The following PRR16 variants were observed in gnomAD, a reference collection of about 807,000 sequenced individuals.
The protein encoded by PRR16 is proline rich 16, also known as protein Largen.
In PRR16, 6 loss-of-function variants were observed where a neutral mutation model predicts 18.2. The ratio of observed to expected loss-of-function variants is 0.33; its 90% CI spans 0.18 to 0.65. The LOEUF is 0.65. Ranked by LOEUF, PRR16 falls within the 30% of genes least tolerant of loss-of-function variation. The pLI is 0.74. For missense variants in PRR16, 412 were observed against 376.6 expected, an observed-to-expected ratio of 1.09 and a Z score of -0.78; for synonymous variants, 151 against 147.8, an observed-to-expected ratio of 1.02 and a Z score of -0.16.
chr5:120,597,381 T>C (rs1263651088), intron 1 of PRR16, among the ~76,000 whole-genome samples: 1 of 151,748 alleles, frequency 6.6e-6, no homozygotes, highest in African/African-American at 2.4e-5. Flanking sequence ...TCCTGTGTTT[T>C]TTCTAAAATT....
At chr5:120,684,585 T>C (rs1455754449) in intron 1 of PRR16, among the ~76,000 whole-genome samples, 4 of 152,222 alleles carry the variant, frequency 2.6e-5, no homozygotes, top group African/African-American at 9.6e-5. Context: ...TTCTCATATG[T>C]GTATAACAGT....
intron 1 of PRR16, among the ~76,000 whole-genome samples, chr5:120,543,318 A>G (rs1454174797): frequency 6.6e-6 from 1 of 152,120 alleles, no homozygotes; most frequent in Non-Finnish European, 1.5e-5. Context: ...TTTGGTGAGC[A>G]TATCGTGGGG....
chr5:120,716,488 C>G, the PRR16 span, among the ~76,000 whole-genome samples: 1 of 152,148 alleles, frequency 6.6e-6, no homozygotes, highest in African/African-American at 2.4e-5. Flanking sequence ...AACTGTATCA[C>G]CAGCCCTAGC....
At chr5:120,500,516 A>C (rs1434178857) in intron 1 of PRR16, among the ~76,000 whole-genome samples, 3 of 152,210 alleles carry the variant, frequency 2.0e-5, no homozygotes, top group Non-Finnish European at 4.4e-5. Context: ...CAAAACATTA[A>C]ACTTATTCTG....
At chr5:120,703,859 A>C in the PRR16 span, among the ~76,000 whole-genome samples, 3 of 152,194 alleles carry the variant, frequency 2.0e-5, no homozygotes, top group Non-Finnish European at 4.4e-5. Flanking sequence ...GATTTCTTAT[A>C]ATTTAAGGCC....
the PRR16 span, among the ~76,000 whole-genome samples, chr5:120,711,666 C>T: frequency 6.6e-6 from 1 of 152,182 alleles, no homozygotes; most frequent in African/African-American, 2.4e-5. Context: ...AAGTCTGAAG[C>T]TGCCTGAAGC....
At chr5:120,476,364 G>C (rs896064510) in intron 1 of PRR16, among the ~76,000 whole-genome samples, 2 of 152,012 alleles carry the variant, frequency 1.3e-5, no homozygotes, top group African/African-American at 4.8e-5. Context: ...TACCCAACTT[G>C]ATATCTGTGC....
chr5:120,714,758 G>C, the PRR16 span, among the ~76,000 whole-genome samples: 512 of 152,274 alleles, frequency 3.4e-3, no homozygotes, highest in African/African-American at 0.01. Flanking sequence ...ATCAATGATA[G>C]ACTGGATAAA....
chr5:120,468,061 C>T (rs1284570286), intron 1 of PRR16, among the ~76,000 whole-genome samples: 1 of 152,172 alleles, frequency 6.6e-6, no homozygotes, highest in South Asian at 2.1e-4. Context: ...CTTTAGTGGC[C>T]ACTCTCACTG....
chr5:120,779,565 TCTGTGTTCGTGCAAAATGA>T, the PRR16 span, among the ~76,000 whole-genome samples: 130 of 152,276 alleles, frequency 8.5e-4, 1 homozygote, highest in Non-Finnish European at 1.5e-3. Context: ...CGTGTGCTTT[TCTGTGTTCGTGCAAAATGA>T]CACAGTATTC....
At chr5:120,592,566 G>T (rs546995519) in intron 1 of PRR16, among the ~76,000 whole-genome samples, 3 of 152,104 alleles carry the variant, frequency 2.0e-5, no homozygotes, top group Non-Finnish European at 2.9e-5. Context: ...TTTTGTGGTG[G>T]TTTATTTCCA....
At chr5:120,769,191 A>T in the PRR16 span, among the ~76,000 whole-genome samples, 1 of 151,716 alleles carries the variant, frequency 6.6e-6, no homozygotes, top group East Asian at 1.9e-4. Context: ...CTGATTTTTA[A>T]TAGTTTTGTT....
At chr5:120,627,776 A>C (rs1754915224) in intron 1 of PRR16, among the ~76,000 whole-genome samples, 1 of 152,076 alleles carries the variant, frequency 6.6e-6, no homozygotes, top group African/African-American at 2.4e-5. Flanking sequence ...AAATATTCTG[A>C]ATGGCCGATT....
the PRR16 span, among the ~76,000 whole-genome samples, chr5:120,767,389 A>G: frequency 1.3e-5 from 2 of 151,906 alleles, no homozygotes; most frequent in African/African-American, 2.4e-5. Flanking sequence ...ATACTCTCCA[A>G]TAAAATACTG....
chr5:120,597,730 G>A (rs549185212), intron 1 of PRR16, among the ~76,000 whole-genome samples: 4 of 151,806 alleles, frequency 2.6e-5, no homozygotes, highest in African/African-American at 9.6e-5. Flanking sequence ...ATTTAGGAGC[G>A]TGATTCTTCC....
intron 1 of PRR16, among the ~76,000 whole-genome samples, chr5:120,602,051 T>A (rs1477608649): frequency 2.0e-5 from 3 of 152,114 alleles, no homozygotes; most frequent in African/African-American, 7.2e-5. Context: ...CCCTGGGCTC[T>A]TTTTTGGTTT....
At chr5:120,655,147 C>T (rs1439244304) in intron 1 of PRR16, among the ~76,000 whole-genome samples, 1 of 151,798 alleles carries the variant, frequency 6.6e-6, no homozygotes, top group East Asian at 1.9e-4. Flanking sequence ...CCAGTCTCCA[C>T]CCATCCCTCT....
the PRR16 span, among the ~76,000 whole-genome samples, chr5:120,737,868 A>G: frequency 6.6e-6 from 1 of 151,980 alleles, no homozygotes; most frequent in Non-Finnish European, 1.5e-5. Flanking sequence ...CTAATAATGT[A>G]TCCATTTTTG....
At chr5:120,489,434 G>T (rs1315001684) in intron 1 of PRR16, among the ~76,000 whole-genome samples, 1 of 152,082 alleles carries the variant, frequency 6.6e-6, no homozygotes, top group African/African-American at 2.4e-5. Flanking sequence ...TTTGATCTTT[G>T]TTGGTTTAAA....
Sources: allele counts gnomAD v4.1 joint callset (sites outside exome capture counted in the v4.1 genomes callset), GRCh38; gene constraint gnomAD v4.1.1; transcripts MANE v1.5; gene names NCBI Gene and HGNC (gene_info 2026-07-23, HGNC 2026-07-21).